SEMA3C: variants seen among roughly 807,000 people sequenced by gnomAD.
SEMA3C encodes the protein semaphorin-3C.
SEMA3C carries 47 observed loss-of-function variants against 89.4 expected under a neutral mutation model. The observed-to-expected ratio is 0.53, with a 90% CI of 0.42 to 0.67. The LOEUF is 0.67. Ranked by LOEUF, SEMA3C falls within the 30% of genes least tolerant of loss-of-function variation. SEMA3C has a pLI of 0.00. For missense variants in SEMA3C, 839 were observed against 929.1 expected (o/e 0.90, Z 1.26); for synonymous variants, 310 against 320.2 (o/e 0.97, Z 0.34).
At chr7:80,753,281 T>C (rs1787980215) in intron 15 of SEMA3C, among the ~76,000 whole-genome samples, 2 of 152,234 alleles carry the variant, frequency 1.3e-5, no homozygotes, top group African/African-American at 2.4e-5. Context: ...TTTTACTGCA[T>C]AACATTTGCT....
intron 2 of SEMA3C, among the ~76,000 whole-genome samples, chr7:80,900,239 G>A (rs187491194): frequency 0.019 from 2,887 of 151,788 alleles, 48 homozygotes; most frequent in Non-Finnish European, 0.03. Context: ...TCAGCCTCCC[G>A]GGTAGCTGGG....
chr7:80,915,215 C>T (rs12707079), intron 2 of SEMA3C, among the ~76,000 whole-genome samples: 81,740 of 151,984 alleles, frequency 0.54, 24,794 homozygotes, highest in South Asian at 0.69. Flanking sequence ...CTGTAAGATG[C>T]TTTAGTAATT....
At chr7:80,760,826 G>T (rs927962580) in intron 14 of SEMA3C, among the ~76,000 whole-genome samples, 4 of 152,178 alleles carry the variant, frequency 2.6e-5, no homozygotes, top group Non-Finnish European at 4.4e-5. Flanking sequence ...GAAGTTACAT[G>T]ATTTGTTTGT....
intron 2 of SEMA3C, among the ~76,000 whole-genome samples, chr7:80,851,445 A>T (rs1790509403): frequency 7.0e-6 from 1 of 142,688 alleles, no homozygotes; most frequent in African/African-American, 2.6e-5. Flanking sequence ...CGGAGGTTGC[A>T]GTGAGCCGAG....
At chr7:80,784,526 T>C (rs947944850) in intron 12 of SEMA3C, among the ~76,000 whole-genome samples, 1 of 152,140 alleles carries the variant, frequency 6.6e-6, no homozygotes, top group Non-Finnish European at 1.5e-5. Flanking sequence ...TACTGTATTA[T>C]ATCTACATAT....
At chr7:80,781,332 C>T (rs533205627) in intron 12 of SEMA3C, among the ~76,000 whole-genome samples, 21 of 152,318 alleles carry the variant, frequency 1.4e-4, no homozygotes, top group Non-Finnish European at 2.6e-4. Flanking sequence ...ATTCTGCCCA[C>T]CCCATTAGTG....
chr7:80,922,127 G>A (rs1185034456), upstream of SEMA3C: 4 of 502,416 alleles, frequency 8.0e-6, no homozygotes, highest in African/African-American at 2.0e-5. Context: ...CTTTAATGAA[G>A]TTACAATTTT....
intron 12 of SEMA3C, among the ~76,000 whole-genome samples, chr7:80,786,570 C>T (rs1307085678): frequency 6.6e-6 from 1 of 152,154 alleles, no homozygotes; most frequent in African/African-American, 2.4e-5. Context: ...GTTTTTCTAA[C>T]ACAAACTCTA....
rs769307731 is a variant in SEMA3C at position 80,810,667 on chromosome 7, G to C, written c.482C>G (p.Ser161Cys). 1 of 1,613,738 alleles carries C rather than the reference G, an allele frequency of 6.2e-7. No individual in the cohort carries two copies. Among genetic ancestry groups the C allele is most frequent in the Non-Finnish European group, 8.5e-7 (1 of 1,179,730 alleles). Residue 161 changes from serine to cysteine, a missense_variant, in exon 6 of 18, where the codon TCT (serine) becomes TGT (cysteine). Physicochemically the swap from Ser to Cys is moderately radical, Grantham distance 112. Coordinates refer to ENST00000265361, the MANE Select transcript of SEMA3C (RefSeq NM_006379.5). ...QVFMIDSKCE[S>C]GKGRCSFNPN... The stretch of plus-strand genomic sequence containing the variant: ...GTTGAAAGAGCAGCGTCCTTTTCCA[G>C]ATTCACACTTGGAGTCAATCATGAA...
intron 5 of SEMA3C, chr7:80,816,092 G>A (rs1437853018): frequency 7.0e-6 from 1 of 143,840 alleles, no homozygotes; most frequent in East Asian, 2.2e-4. Context: ...AAGGATTCCA[G>A]GCTCTTTAGG....
chr7:80,839,939 A>T (rs1231609187), intron 2 of SEMA3C, among the ~76,000 whole-genome samples: 1 of 152,260 alleles, frequency 6.6e-6, no homozygotes, highest in African/African-American at 2.4e-5. Flanking sequence ...GATGCTTTCA[A>T]TAAAACTCCC....
At chr7:80,828,872 T>G in intron 2 of SEMA3C, 127 bp from the exon 3 acceptor site, 1 of 737,784 alleles carries the variant, frequency 1.4e-6, no homozygotes, top group Non-Finnish European at 2.1e-6. Context: ...AGTAAGAAAT[T>G]AATTTTAAAA....
chr7:80,866,676 T>A (rs1045233115), intron 2 of SEMA3C, among the ~76,000 whole-genome samples: 2 of 152,126 alleles, frequency 1.3e-5, no homozygotes, highest in African/African-American at 4.8e-5. Context: ...AATAGTAACT[T>A]GGTGTTGAGA....
intron 17 of SEMA3C, 42 bp downstream of exon 17, chr7:80,748,856 C>T (rs1303553349): frequency 7.7e-6 from 12 of 1,565,236 alleles, no homozygotes; most frequent in Non-Finnish European, 9.5e-6. Context: ...TTAATGTTCT[C>T]TCTGAAGCCC....
intron 2 of SEMA3C, among the ~76,000 whole-genome samples, chr7:80,857,440 A>G (rs1790667999): frequency 6.6e-6 from 1 of 152,214 alleles, no homozygotes; most frequent in Non-Finnish European, 1.5e-5. Flanking sequence ...TCCAATGTAT[A>G]AATTATATGA....
intron 11 of SEMA3C, among the ~76,000 whole-genome samples, 169 bp from the exon 12 acceptor site, chr7:80,789,697 A>C (rs1295607744): frequency 6.6e-6 from 1 of 152,200 alleles, no homozygotes; most frequent in East Asian, 1.9e-4. Flanking sequence ...CTATCTGTAG[A>C]TGATTAGTAC....
chr7:80,773,820 T>C (rs1788487247), intron 12 of SEMA3C, among the ~76,000 whole-genome samples: 5 of 152,170 alleles, frequency 3.3e-5, no homozygotes, highest in South Asian at 2.1e-4. Context: ...TCCTGGGCTA[T>C]ATATGCAGGA....
intron 2 of SEMA3C, among the ~76,000 whole-genome samples, chr7:80,910,261 A>G (rs1190366230): frequency 1.3e-5 from 2 of 152,234 alleles, no homozygotes; most frequent in Non-Finnish European, 2.9e-5. Context: ...TTTGAAAAGT[A>G]AAAAGCATTT....
At chr7:80,895,731 T>C (rs1265930998) in intron 2 of SEMA3C, among the ~76,000 whole-genome samples, 1 of 152,152 alleles carries the variant, frequency 6.6e-6, no homozygotes, top group Non-Finnish European at 1.5e-5. Flanking sequence ...ATGAGGAGAA[T>C]GCCTTAAAAA....
Sources: gnomAD v4.1 joint callset for allele counts (sites outside exome capture counted in the v4.1 genomes callset) on GRCh38, gnomAD v4.1.1 for gene constraint, MANE v1.5 for transcripts, NCBI Gene and HGNC (gene_info 2026-07-23, HGNC 2026-07-21) for gene names.